Variants in ATRX observed in about 807,000 individuals in gnomAD.
ATRX encodes the protein chromatin remodeler ATRX.
ATRX carries 12 observed loss-of-function variants against 172.6 expected under a neutral mutation model. The observed-to-expected ratio is 0.07, with a 90% confidence interval of 0.04 to 0.11. The LOEUF is 0.11. ATRX is among the 10% of genes least tolerant of loss of function. The pLI is 1.00. For missense variants in ATRX, 1,368 were observed against 1,767.4 expected (o/e 0.77, Z 4.05); for synonymous variants, 674 against 594.7 (o/e 1.13, Z -1.94).
chrX:77,599,702 C>G (rs781904655), intron 24 of ATRX, 30 bp downstream of exon 24: 1 of 1,193,309 alleles, frequency 8.4e-7, no homozygotes, highest in Non-Finnish European at 1.1e-6. Flanking sequence ...TTTGTCAATA[C>G]AGGATGGCAC....
intron 27 of ATRX, among the ~76,000 whole-genome samples, 199 bp from the exon 28 acceptor site, chrX:77,574,557 A>G: frequency 8.9e-6 from 1 of 112,203 alleles, no homozygotes. Context: ...ATTCAAATAG[A>G]TAGTGATGAG....
intron 22 of ATRX, among the ~76,000 whole-genome samples, chrX:77,610,967 T>C (rs1243742347): frequency 9.2e-6 from 1 of 108,501 alleles, no homozygotes; most frequent in Non-Finnish European, 1.9e-5. Context: ...TATATATATA[T>C]AGTATATAAA....
At chrX:77,717,302 G>A in intron 1 of ATRX, 59 bp from the exon 2 acceptor site, 1 of 953,731 alleles carries the variant, frequency 1.0e-6, no homozygotes, top group South Asian at 2.0e-5. Flanking sequence ...TAAATTAATT[G>A]TAAAGCTCTA....
chrX:77,578,324 G>A (rs1304626136), intron 27 of ATRX, among the ~76,000 whole-genome samples: 4 of 112,107 alleles, frequency 3.6e-5, no homozygotes, highest in Non-Finnish European at 7.5e-5. Context: ...CCACTGGGGC[G>A]GCTAAGAGAG....
chrX:77,755,124 T>A (rs148918263), intron 1 of ATRX, among the ~76,000 whole-genome samples: 80 of 112,854 alleles, frequency 7.1e-4, no homozygotes, highest in African/African-American at 1.4e-3. Flanking sequence ...GCTTCAGCGA[T>A]TTGACTATTG....
At chrX:77,607,608 G>C (rs1280195151) in intron 22 of ATRX, among the ~76,000 whole-genome samples, 2 of 107,244 alleles carry the variant, frequency 1.9e-5, no homozygotes, top group Non-Finnish European at 3.8e-5. Context: ...CAGCTATTTG[G>C]GAGGCTGAGG....
intron 2 of ATRX, among the ~76,000 whole-genome samples, chrX:77,701,135 A>G (rs2072483948): frequency 8.9e-6 from 1 of 112,365 alleles, no homozygotes; most frequent in African/African-American, 3.2e-5. Flanking sequence ...GATGCTGTGC[A>G]TGTGTGGAAG....
chrX:77,757,606 A>G (rs1209098046), intron 1 of ATRX, among the ~76,000 whole-genome samples: 2 of 112,016 alleles, frequency 1.8e-5, no homozygotes, highest in African/African-American at 6.5e-5. Context: ...GTAAGCAATA[A>G]CATAGTTTGG....
rs1280649523 is a variant in ATRX, at chrX:77,505,800, A to G, written c.*2551T>C. On this transcript the variant is annotated 3_prime_UTR_variant, in exon 35 of 35. Transcript: ENST00000373344. Reference sequence around the variant, plus strand: ...TTTGAATGGTGAAAACACAGATAGTATATTGTCATACTTGAATGCTTTTCT... The same window carrying G: ...TTTGAATGGTGAAAACACAGATAGTGTATTGTCATACTTGAATGCTTTTCT... 2 of 170,929 alleles carry G rather than the reference A, an allele frequency of 1.2e-5. No homozygotes were observed. The highest frequency in any genetic ancestry group is 3.0e-5 in the African/African-American group (1 of 33,804). The allele number at this position is 170,929 out of a possible 1,213,427, so 14.1% of individuals were successfully genotyped here.
chrX:77,595,838 A>C (rs938059607), intron 25 of ATRX: 1 of 111,738 alleles, frequency 8.9e-6, no homozygotes, highest in African/African-American at 3.2e-5. Flanking sequence ...GCTCTACATC[A>C]TATACAAGGA....
At chrX:77,513,100 A>G (rs1014538264) in intron 34 of ATRX, among the ~76,000 whole-genome samples, 6 of 109,201 alleles carry the variant, frequency 5.5e-5, no homozygotes, top group Admixed American at 1.9e-4. Flanking sequence ...GGAGGATCAC[A>G]AGGTCAGGAG....
At position 77,600,568 on chromosome X, in the gene ATRX, A is replaced by G. The variant is rs2148159286; in HGVS notation, c.5567-4T>C. 8.3e-7 allele frequency: 1 copy of G among 1,209,683 alleles called. No homozygotes were observed. Among genetic ancestry groups the G allele is most frequent in the Middle Eastern group, 2.3e-4 (1 of 4,342 alleles). On this transcript the variant is annotated splice_region_variant and splice_polypyrimidine_tract_variant and intron_variant, in intron 22 of 34. Coordinates refer to ENST00000373344, the MANE Select transcript of ATRX (RefSeq NM_000489.6). ...CCTTCACTATTATTGCCCACACCTG[A>G]TCAAAAGAAATATGGTTAAAGACAC...
chrX:77,631,609 C>T (rs1049258995), intron 19 of ATRX, among the ~76,000 whole-genome samples: 1 of 111,856 alleles, frequency 8.9e-6, no homozygotes, highest in African/African-American at 3.2e-5. Flanking sequence ...CTTTCAAAAC[C>T]TCAGTCTAAT....
chrX:77,578,367 C>G (rs1459157284), intron 27 of ATRX, among the ~76,000 whole-genome samples: 1 of 112,108 alleles, frequency 8.9e-6, no homozygotes. Flanking sequence ...TCCTCCAATT[C>G]CAGGTAGCGC....
chrX:77,734,208 AATACATAC>A (rs201853848), intron 1 of ATRX, among the ~76,000 whole-genome samples: 1,839 of 91,931 alleles, frequency 0.02, 36 homozygotes, highest in African/African-American at 0.051. Context: ...TTCTGTCTCA[AATACATAC>A]ATACATACAT....
chrX:77,721,722 A>G (rs2073779922), intron 1 of ATRX, among the ~76,000 whole-genome samples: 1 of 112,104 alleles, frequency 8.9e-6, no homozygotes, highest in Admixed American at 9.5e-5. Flanking sequence ...GGAAGAATCA[A>G]TATCATGAAA....
At chrX:77,740,358 C>CCTGA (rs1476837831) in intron 1 of ATRX, among the ~76,000 whole-genome samples, 3 of 110,616 alleles carry the variant, frequency 2.7e-5, no homozygotes, top group Non-Finnish European at 5.7e-5. Context: ...GTTTAAAAAT[C>CCTGA]CTGACATCCC....
chrX:77,645,602 A>T (rs977983105), intron 15 of ATRX, among the ~76,000 whole-genome samples: 2 of 112,283 alleles, frequency 1.8e-5, no homozygotes, highest in African/African-American at 6.5e-5. Flanking sequence ...GAAGTAACTC[A>T]AAGCCATATA....
intron 30 of ATRX, among the ~76,000 whole-genome samples, chrX:77,548,564 A>C (rs782439248): frequency 3.0e-4 from 34 of 112,242 alleles, no homozygotes; most frequent in Admixed American, 5.7e-4. Flanking sequence ...CTTGCTCTAC[A>C]ATTAAATGTG....
Sources: allele counts gnomAD v4.1 joint callset (sites outside exome capture counted in the v4.1 genomes callset), GRCh38; gene constraint gnomAD v4.1.1; transcripts MANE v1.5; gene names NCBI Gene and HGNC (gene_info 2026-07-23, HGNC 2026-07-21).